CDH18: variants seen among roughly 807,000 people sequenced by gnomAD.
CDH18 encodes cadherin 18.
Under a neutral mutation model 67.9 loss-of-function variants are expected in CDH18, and 31 were observed. The ratio of observed to expected loss-of-function variants is 0.46; its 90% CI spans 0.34 to 0.62. The LOEUF (loss-of-function observed/expected upper bound fraction) is 0.62, where lower values mean the gene tolerates loss of function less well. Ranked by LOEUF, CDH18 falls within the 20% of genes least tolerant of loss-of-function variation. CDH18 has a pLI of 0.01. For synonymous variants in CDH18, 362 were observed against 347.2 expected, an observed-to-expected ratio of 1.04 and a Z score of -0.48; for missense variants, 890 against 975.5, an observed-to-expected ratio of 0.91 and a Z score of 1.17.
chr5:20,361,281 GTA>G (rs1387505258), intron 1 of CDH18, among the ~76,000 whole-genome samples: 1 of 151,914 alleles, frequency 6.6e-6, no homozygotes, highest in Non-Finnish European at 1.5e-5. Flanking sequence ...ATATTAATCT[GTA>G]TGCCAAACTA....
At chr5:19,882,849 A>C (rs1787797527) in intron 2 of CDH18, among the ~76,000 whole-genome samples, 1 of 152,326 alleles carries the variant, frequency 6.6e-6, no homozygotes, top group African/African-American at 2.4e-5. Flanking sequence ...TAAATGAAAG[A>C]AGCAAGAACT....
intron 3 of CDH18, among the ~76,000 whole-genome samples, chr5:19,815,661 C>T (rs1779214552): frequency 6.6e-6 from 1 of 151,912 alleles, no homozygotes; most frequent in Admixed American, 6.6e-5. Context: ...CTCTATATTG[C>T]AAAGTGATTT....
intron 2 of CDH18, among the ~76,000 whole-genome samples, chr5:19,891,372 T>C (rs909055813): frequency 2.0e-5 from 3 of 152,158 alleles, no homozygotes; most frequent in African/African-American, 7.2e-5. Flanking sequence ...GGTTCATGAC[T>C]AAGAGCATAA....
At chr5:19,528,961 G>A (rs577516390) in intron 9 of CDH18, among the ~76,000 whole-genome samples, 2 of 151,784 alleles carry the variant, frequency 1.3e-5, no homozygotes, top group Middle Eastern at 3.4e-3. Flanking sequence ...AAGTTTGACT[G>A]GTTTGGAAAT....
intron 1 of CDH18, among the ~76,000 whole-genome samples, chr5:20,310,217 A>G (rs1005504101): frequency 7.9e-5 from 12 of 152,230 alleles, no homozygotes; most frequent in African/African-American, 2.7e-4. Flanking sequence ...ATTTTCCAGT[A>G]ATGATGTTTA....
intron 1 of CDH18, among the ~76,000 whole-genome samples, chr5:20,411,840 TG>T (rs1357615115): frequency 6.6e-6 from 1 of 151,642 alleles, no homozygotes; most frequent in Non-Finnish European, 1.5e-5. Context: ...AGTGAAAAAT[TG>T]CTACAAGGAG....
In CDH18 at chr5:20,497,745, GA is replaced by G. The variant is rs762515821; in HGVS notation, c.-580+77716del. Among the ~76,000 whole-genome samples, 3 of 152,204 alleles carry G rather than the reference GA, an allele frequency of 2.0e-5. No individual in the cohort carries two copies. In the East Asian group the frequency reaches 5.8e-4, roughly 29 times the overall value. ...TGAAAAATAAAAGAGACCCTCATGA[GA>G]AAATATCTTGTCTGTCAAAAAGAGA... On this transcript the variant is annotated intron_variant, in intron 1 of 14. Coordinates refer to the CDH18 transcript ENST00000507958.
chr5:19,699,696 T>C (rs138685549), intron 5 of CDH18, among the ~76,000 whole-genome samples: 4 of 151,350 alleles, frequency 2.6e-5, no homozygotes, highest in Non-Finnish European at 4.4e-5. Context: ...CTCTGCCATG[T>C]GAGGACATAG....
intron 11 of CDH18, among the ~76,000 whole-genome samples, chr5:19,490,873 ACAAT>A (rs1741355453): frequency 6.6e-6 from 1 of 152,178 alleles, no homozygotes; most frequent in South Asian, 2.1e-4. Context: ...AGGTAAAACA[ACAAT>A]CAATGTTTCT....
chr5:20,090,099 A>G (rs1745292633), intron 2 of CDH18, among the ~76,000 whole-genome samples: 1 of 152,256 alleles, frequency 6.6e-6, no homozygotes, highest in Non-Finnish European at 1.5e-5. Context: ...AAAAGCAGAA[A>G]ATAACAAAAG....
At chr5:20,196,191 A>C (rs115067816) in intron 2 of CDH18, among the ~76,000 whole-genome samples, 3,089 of 152,192 alleles carry the variant, frequency 0.02, 57 homozygotes, top group Non-Finnish European at 0.033. Flanking sequence ...CTGACACTCC[A>C]CCTAACAGCA....
At chr5:20,220,987 T>A (rs1355050471) in intron 2 of CDH18, among the ~76,000 whole-genome samples, 1 of 152,018 alleles carries the variant, frequency 6.6e-6, no homozygotes, top group African/African-American at 2.4e-5. Context: ...CTGGAGAGGA[T>A]GCAGAGAAAA....
At chr5:19,527,342 T>C (rs1420957739) in intron 9 of CDH18, among the ~76,000 whole-genome samples, 1 of 151,736 alleles carries the variant, frequency 6.6e-6, no homozygotes, top group Non-Finnish European at 1.5e-5. Flanking sequence ...TACTTTATAA[T>C]ACTATTAAAT....
chr5:19,681,071 A>C (rs187688224), intron 5 of CDH18, among the ~76,000 whole-genome samples: 1 of 152,178 alleles, frequency 6.6e-6, no homozygotes, highest in Admixed American at 6.6e-5. Context: ...GCCATGGAAC[A>C]CTATGCCACC....
intron 1 of CDH18, among the ~76,000 whole-genome samples, chr5:20,522,203 T>C (rs1755783622): frequency 7.9e-6 from 1 of 126,244 alleles, no homozygotes; most frequent in East Asian, 2.8e-4. Flanking sequence ...TAACCAAACC[T>C]GCTGACACTT....
At chr5:19,965,834 G>A (rs1797377526) in intron 2 of CDH18, among the ~76,000 whole-genome samples, 2 of 152,094 alleles carry the variant, frequency 1.3e-5, no homozygotes, top group South Asian at 2.1e-4. Context: ...ACTGGACAGA[G>A]GACAGGATTT....
chr5:20,224,908 C>T (rs1166373077), intron 2 of CDH18, among the ~76,000 whole-genome samples: 1 of 151,986 alleles, frequency 6.6e-6, no homozygotes, highest in Non-Finnish European at 1.5e-5. Flanking sequence ...TATCCATACT[C>T]TTTCTCTTTC....
Position 20,449,560 on chromosome 5 carries a change from A to G in CDH18, c.-580+125902T>C, listed in dbSNP as rs146388716. ...TGGTCTAGGTCATGTTTTAAAATAT[A>G]ATACCCCCTTTCGTATTGTATCATT... On this transcript the variant is annotated intron_variant, in intron 1 of 14. Coordinates refer to the CDH18 transcript ENST00000507958. Among the ~76,000 whole-genome samples the G allele has an allele frequency of 8.9e-3, 1,359 of 152,160 alleles. 18 individuals carry two copies. The highest frequency in any genetic ancestry group is 0.031 in the African/African-American group (1,288 of 41,542).
At chr5:19,542,090 G>A (rs1029170006) in intron 9 of CDH18, among the ~76,000 whole-genome samples, 7 of 152,026 alleles carry the variant, frequency 4.6e-5, no homozygotes, top group African/African-American at 1.7e-4. Context: ...AGATATTATG[G>A]TGAAAAACTA....
Sources: gnomAD v4.1 joint callset for allele counts (sites outside exome capture counted in the v4.1 genomes callset) on GRCh38, gnomAD v4.1.1 for gene constraint, MANE v1.5 for transcripts, NCBI Gene and HGNC (gene_info 2026-07-23, HGNC 2026-07-21) for gene names.